HS3ST4: variants seen among roughly 807,000 people sequenced by gnomAD.
HS3ST4 encodes heparan sulfate-glucosamine 3-sulfotransferase 4, also known as heparan sulfate glucosamine 3-O-sulfotransferase 4.
Under a neutral mutation model 29.2 loss-of-function variants are expected in HS3ST4, and 17 were observed. The observed-to-expected ratio is 0.58, with a 90% CI of 0.40 to 0.87. The LOEUF is 0.87. Ranked by LOEUF, HS3ST4 falls within the 40% of genes least tolerant of loss-of-function variation. The probability of loss-of-function intolerance (pLI) is 0.00; values close to 1 mark genes in which losing one functional copy is unlikely to be tolerated. For missense variants in HS3ST4, 627 were observed against 634.5 expected (o/e 0.99, Z 0.13); for synonymous variants, 314 against 285.7 (o/e 1.10, Z -1.00).
At chr16:25,927,557 G>T (rs1246719139) in intron 1 of HS3ST4, among the ~76,000 whole-genome samples, 1 of 152,166 alleles carries the variant, frequency 6.6e-6, no homozygotes, top group East Asian at 1.9e-4. Context: ...AAATGCCTGT[G>T]TGCTGGCAGA....
intron 1 of HS3ST4, among the ~76,000 whole-genome samples, chr16:25,941,280 C>T (rs1487912973): frequency 6.6e-6 from 1 of 152,170 alleles, no homozygotes; most frequent in Non-Finnish European, 1.5e-5. Flanking sequence ...TTTATCCTGC[C>T]TCCTGAGTAG....
intron 1 of HS3ST4, among the ~76,000 whole-genome samples, chr16:25,978,453 A>G (rs1218264622): frequency 6.6e-6 from 1 of 152,240 alleles, no homozygotes; most frequent in Non-Finnish European, 1.5e-5. Flanking sequence ...TTACAATAAA[A>G]CTGTATGACA....
At chr16:26,129,696 TCA>T (rs1240149003) in intron 1 of HS3ST4, among the ~76,000 whole-genome samples, 1 of 152,190 alleles carries the variant, frequency 6.6e-6, no homozygotes, top group Non-Finnish European at 1.5e-5. Flanking sequence ...TTGCCAAGGA[TCA>T]CACAGTTAAT....
At chr16:26,025,700 AG>A (rs762098550) in intron 1 of HS3ST4, among the ~76,000 whole-genome samples, 8 of 152,208 alleles carry the variant, frequency 5.3e-5, no homozygotes, top group Non-Finnish European at 1.2e-4. Context: ...ATGGGATCGT[AG>A]GCAATAACAG....
intron 1 of HS3ST4, among the ~76,000 whole-genome samples, chr16:26,109,977 T>TG (rs1049833888): frequency 2.6e-4 from 40 of 152,338 alleles, no homozygotes; most frequent in African/African-American, 7.5e-4. Flanking sequence ...GTTACTGTGC[T>TG]GTATAATAGA....
intron 1 of HS3ST4, among the ~76,000 whole-genome samples, chr16:25,813,275 C>G: frequency 6.6e-6 from 1 of 152,110 alleles, no homozygotes; most frequent in Non-Finnish European, 1.5e-5. Flanking sequence ...AAACACAAGC[C>G]AACCAACAAA....
chr16:25,870,794 A>G (rs1567260507), intron 1 of HS3ST4, among the ~76,000 whole-genome samples: 1 of 152,194 alleles, frequency 6.6e-6, no homozygotes, highest in Non-Finnish European at 1.5e-5. Flanking sequence ...CAGGCAAGAG[A>G]GGATGATGGC....
intron 1 of HS3ST4, among the ~76,000 whole-genome samples, chr16:25,913,624 A>G (rs1017520974): frequency 1.3e-5 from 2 of 152,240 alleles, no homozygotes; most frequent in Admixed American, 6.5e-5. Flanking sequence ...AACTCTTGAA[A>G]GGTGAATAGT....
intron 1 of HS3ST4, among the ~76,000 whole-genome samples, chr16:25,999,339 G>A (rs1268776427): frequency 6.6e-6 from 1 of 152,092 alleles, no homozygotes; most frequent in Non-Finnish European, 1.5e-5. Context: ...CACTGCACAT[G>A]GTGCTGCTAG....
chr16:25,922,690 T>C (rs1395952793), intron 1 of HS3ST4, among the ~76,000 whole-genome samples: 3 of 152,246 alleles, frequency 2.0e-5, no homozygotes, highest in African/African-American at 2.4e-5. Flanking sequence ...TGTTAAGCCA[T>C]ATGCTTACAC....
At chr16:26,028,184 A>C (rs1487684227) in intron 1 of HS3ST4, among the ~76,000 whole-genome samples, 2 of 150,106 alleles carry the variant, frequency 1.3e-5, no homozygotes, top group African/African-American at 4.9e-5. Flanking sequence ...GAGGCAAGAG[A>C]ATTGCTTGAA....
rs533899634 is a variant in HS3ST4 at position 25,868,565 on chromosome 16, A to G, written c.734+175414A>G. On this transcript the variant is annotated intron_variant, in intron 1 of 1. Coordinates refer to ENST00000331351, the MANE Select transcript of HS3ST4 (RefSeq NM_006040.3). The stretch of plus-strand genomic sequence containing the variant: ...TAAATTGGAGAAGAAAATATTGTGT[A>G]AACAGAGACCATTTGGTGAGACCTC... 2.9e-4 allele frequency among the ~76,000 whole-genome samples: 44 copies of G among 152,344 alleles called. No homozygotes were observed. The East Asian group carries it at 4.8e-3, about 17-fold the overall frequency.
intron 1 of HS3ST4, among the ~76,000 whole-genome samples, chr16:25,921,637 C>A (rs1439647348): frequency 6.6e-6 from 1 of 152,152 alleles, no homozygotes; most frequent in Non-Finnish European, 1.5e-5. Context: ...ATCTCATCAG[C>A]AGGAAAACTT....
At position 25,951,560 on chromosome 16, in the gene HS3ST4, A is replaced by G. The variant is rs534451395; in HGVS notation, c.735-184052A>G. On this transcript the variant is annotated intron_variant, in intron 1 of 1. Transcript: ENST00000331351. ...TGGCAATTTAAAGAATGTCCAACCT[A>G]CTTAGCAAAGCTCAGGCATCCTATC... Among the ~76,000 whole-genome samples, 101 of 152,282 alleles carry G rather than the reference A, an allele frequency of 6.6e-4. 1 individual carries two copies. Among genetic ancestry groups the G allele is most frequent in the African/African-American group, 2.4e-3 (98 of 41,570 alleles).
At chr16:25,810,690 A>G (rs1967033824) in intron 1 of HS3ST4, among the ~76,000 whole-genome samples, 1 of 152,226 alleles carries the variant, frequency 6.6e-6, no homozygotes, top group African/African-American at 2.4e-5. Context: ...AGCATATAAT[A>G]TGGGCTTTCA....
chr16:25,697,623 C>T (rs1596546515), intron 1 of HS3ST4, among the ~76,000 whole-genome samples: 1 of 152,182 alleles, frequency 6.6e-6, no homozygotes, highest in Non-Finnish European at 1.5e-5. Context: ...ACTTTAGGAT[C>T]ATCTAGGGAT....
rs58199650 is a variant in HS3ST4 at position 25,962,205 on chromosome 16, T to C, written c.735-173407T>C. On this transcript the variant is annotated intron_variant, in intron 1 of 1. Transcript: ENST00000331351. Reference sequence around the variant, plus strand: ...AAGTCATGGATCTCATTCCCAAATATCCAGGGAAAAGGAGGGTTTTTTTCT... The same window carrying C: ...AAGTCATGGATCTCATTCCCAAATACCCAGGGAAAAGGAGGGTTTTTTTCT... 2.2e-3 allele frequency among the ~76,000 whole-genome samples: 340 copies of C among 152,220 alleles called. 3 individuals are homozygous for C. The highest frequency in any genetic ancestry group is 7.8e-3 in the African/African-American group (322 of 41,520).
intron 1 of HS3ST4, among the ~76,000 whole-genome samples, chr16:25,998,516 A>G (rs1969176730): frequency 6.6e-6 from 1 of 152,176 alleles, no homozygotes; most frequent in East Asian, 1.9e-4. Flanking sequence ...CTTTAGTGCT[A>G]TATTTAGGTA....
Position 25,737,534 on chromosome 16 carries a change from A to G in HS3ST4, c.734+44383A>G, listed in dbSNP as rs550869543. The stretch of plus-strand genomic sequence containing the variant: ...ATTTTCTCACTTATAAGTGGGAGCT[A>G]AGTAATATGTGCACATAGACATAGA... On this transcript the variant is annotated intron_variant, in intron 1 of 1. Coordinates refer to ENST00000331351, the MANE Select transcript of HS3ST4 (RefSeq NM_006040.3). Among the ~76,000 whole-genome samples the G allele has an allele frequency of 4.6e-5, 7 of 152,316 alleles. No individual in the cohort carries two copies. In the South Asian group the frequency reaches 1.0e-3, roughly 23 times the overall value.
Sources: gnomAD v4.1 joint callset for allele counts (sites outside exome capture counted in the v4.1 genomes callset) on GRCh38, gnomAD v4.1.1 for gene constraint, MANE v1.5 for transcripts, NCBI Gene and HGNC (gene_info 2026-07-23, HGNC 2026-07-21) for gene names.